SLC9A5: variants seen among roughly 807,000 people sequenced by gnomAD.
SLC9A5 encodes sodium/hydrogen exchanger 5.
Under a neutral mutation model 91.7 loss-of-function variants are expected in SLC9A5, and 52 were observed. The ratio of observed to expected loss-of-function variants is 0.57; its 90% CI spans 0.45 to 0.71. The LOEUF (loss-of-function observed/expected upper bound fraction) is 0.71, where lower values mean the gene tolerates loss of function less well. Among genes scored for constraint, SLC9A5 ranks in the 30% least tolerant of loss-of-function variants. The pLI is 0.00. For synonymous variants in SLC9A5, 419 were observed against 474.5 expected (o/e 0.88, Z 1.52); for missense variants, 871 against 1,158.9 (o/e 0.75, Z 3.61).
At position 67,256,978 on chromosome 16, in the gene SLC9A5, G is replaced by A. The variant is rs769311208; in HGVS notation, c.1200G>A (p.Val400=). 4.0e-5 allele frequency: 64 copies of A among 1,614,088 alleles called. No individual in the cohort carries two copies. Among genetic ancestry groups the A allele is most frequent in the Non-Finnish European group, 5.3e-5 (62 of 1,180,054 alleles). Residue 400 remains valine, a synonymous_variant, in exon 7 of 16, where the codon GTG becomes GTA. Coordinates refer to ENST00000299798, the MANE Select transcript of SLC9A5 (RefSeq NM_004594.3). The surrounding 1 kb of genome is among the most constrained non-coding windows in gnomAD (Gnocchi z 4.1). ...RLVPLDKIDQ[V]VMSYGGLRGA... ...TCCCTCTGGACAAGATTGACCAAGT[G>A]GTGATGTCCTATGGGGGCCTGCGGG... is the stretch of plus-strand genomic sequence containing the variant.
intron 2 of SLC9A5, among the ~76,000 whole-genome samples, chr16:67,253,610 C>T (rs902647289): frequency 6.6e-6 from 1 of 152,184 alleles, no homozygotes. Flanking sequence ...GCAACCTCCA[C>T]CTCCTGGGTT....
chr16:67,258,253 G>A lies in SLC9A5; in HGVS notation c.1497-65G>A. ...TGCTGACGGTGTCCTTGCCCCGTCT[G>A]AGGAAGGGCCACCTGGCCAGGCCTT... On this transcript the variant is annotated intron_variant, in intron 9 of 15. Coordinates refer to ENST00000299798, the MANE Select transcript of SLC9A5 (RefSeq NM_004594.3). The surrounding 1 kb of genome is among the most constrained non-coding windows in gnomAD (Gnocchi z 4.5). 1.3e-6 allele frequency: 2 copies of A among 1,587,796 alleles called. No individual in the cohort carries two copies. The highest frequency in any genetic ancestry group is 1.1e-5 in the South Asian group (1 of 90,250).
rs976150253 is a variant in SLC9A5 at position 67,249,105 on chromosome 16, C to A, written c.91C>A (p.Pro31Thr). Reference sequence around the variant, plus strand: ...GAAGCCAGAGTCCCCGGGCGAGCCTCCCCCAGGCTTAGAGCTCTTCCGCTG... The same window carrying A: ...GAAGCCAGAGTCCCCGGGCGAGCCTACCCCAGGCTTAGAGCTCTTCCGCTG... ...TQKPESPGEPPPGLELFRWQW... is the reference protein window; with the variant it reads ...TQKPESPGEPTPGLELFRWQW... Residue 31 changes from proline to threonine, a missense_variant, in exon 1 of 16, where the codon CCC (proline) becomes ACC (threonine). Coordinates refer to ENST00000299798, the MANE Select transcript of SLC9A5 (RefSeq NM_004594.3). 6.5e-7 allele frequency: 1 copy of A among 1,545,990 alleles called. No homozygotes were observed. The highest frequency in any genetic ancestry group is 8.7e-7 in the Non-Finnish European group (1 of 1,152,550).
Position 67,257,692 on chromosome 16 carries a change from G to T in SLC9A5, c.1496+91G>T. ...TGTGCCACACTTCTGAGAAGGGACA[G>T]AGCCAGGTTCAGGCTGGGTGACCTC... On this transcript the variant is annotated intron_variant, in intron 9 of 15. Transcript: ENST00000299798. This position sits in a 1 kb window ranked among gnomAD's most constrained non-coding sequence, Gnocchi z 5.1. The T allele has an allele frequency of 7.2e-7, 1 of 1,389,748 alleles. No individual in the cohort carries two copies. Among genetic ancestry groups the T allele is most frequent in the Non-Finnish European group, 1.0e-6 (1 of 983,810 alleles). 86.1% of individuals were successfully genotyped at this position (1,389,748 alleles called of 1,614,324 possible).
intron 10 of SLC9A5, 87 bp from the exon 11 acceptor site, chr16:67,259,485 GT>G: frequency 1.1e-6 from 1 of 917,348 alleles, no homozygotes; most frequent in Non-Finnish European, 1.8e-6. Context: ...TAAACTAAGT[GT>G]TCGTTATTAT....
chr16:67,271,022 C>T lies in SLC9A5; in HGVS notation c.2503C>T (p.Pro835Ser), dbSNP rs564480645. 1.9e-6 allele frequency: 3 copies of T among 1,613,582 alleles called. No individual in the cohort carries two copies. ...GGTCCCTCTCCACCTACCTTCTGAT[C>T]CACGCTCTAGCTTCGCCTTCCCACC... is the stretch of plus-strand genomic sequence containing the variant. Reference protein sequence around the residue: ...PQVPLHLPSDPRSSFAFPPSL... With the variant: ...PQVPLHLPSDSRSSFAFPPSL... The change falls in exon 16 of 16, where the codon CCA becomes TCA. Residue 835 changes from proline (P) to serine (S), a missense_variant. Coordinates refer to ENST00000299798, the MANE Select transcript of SLC9A5 (RefSeq NM_004594.3).
In SLC9A5 at chr16:67,266,103, C is replaced by G. The variant is rs1167166710; in HGVS notation, c.2096C>G (p.Thr699Ser). 6.2e-7 allele frequency: 1 copy of G among 1,611,778 alleles called. No individual in the cohort carries two copies. The highest frequency in any genetic ancestry group is 8.5e-7 in the Non-Finnish European group (1 of 1,179,032). ...GFQDTAAVIL[T>S]VESEEEEEES... ...CTCTGTCCAGCTGCTGTGATATTAA[C>G]CGTGGAGTCTGAGGAGGAGGAGGAG... Residue 699 changes from threonine (T) to serine (S), a missense_variant, in exon 15 of 16, where the codon ACC (threonine) becomes AGC (serine). Thr to Ser is a moderately conservative substitution (Grantham distance 58). Transcript: ENST00000299798.
Position 67,257,202 on chromosome 16 carries a change from G to C in SLC9A5, c.1335+89G>C. ...CTGTGGGACAGGGGCTTCTCTTCCC[G>C]CTGGGAGATGGAGGGCCCTGACTTC... On this transcript the variant is annotated intron_variant, in intron 7 of 15. Coordinates refer to ENST00000299798, the MANE Select transcript of SLC9A5 (RefSeq NM_004594.3). This position sits in a 1 kb window ranked among gnomAD's most constrained non-coding sequence, Gnocchi z 5.1. The C allele has an allele frequency of 1.4e-6, 2 of 1,424,764 alleles. No individual in the cohort carries two copies. The highest frequency in any genetic ancestry group is 1.9e-6 in the Non-Finnish European group (2 of 1,032,588). The allele number at this position is 1,424,764 out of a possible 1,614,324, so 88.3% of individuals were successfully genotyped here.
At chr16:67,259,738 T>C in intron 11 of SLC9A5, 77 bp downstream of exon 11, 1 of 1,592,570 alleles carries the variant, frequency 6.3e-7, no homozygotes, top group Non-Finnish European at 8.6e-7. Flanking sequence ...CTGGGGGAGA[T>C]TTGTCAGCAC....
intron 10 of SLC9A5, among the ~76,000 whole-genome samples, chr16:67,259,342 T>G (rs1597354221): frequency 1.7e-5 from 2 of 114,372 alleles, no homozygotes; most frequent in African/African-American, 3.6e-5. Context: ...CCAGCTTGGG[T>G]GATAGAGTGA....
At position 67,259,719 on chromosome 16, in the gene SLC9A5, G is replaced by A. The variant is rs1277571784; in HGVS notation, c.1715+58G>A. Reference sequence around the variant, plus strand: ...CTCCTCTCCATTGTGCCCTCTCTCTGAGTCCCTTCTGGGGGAGATTTGTCA... The same window carrying A: ...CTCCTCTCCATTGTGCCCTCTCTCTAAGTCCCTTCTGGGGGAGATTTGTCA... On this transcript the variant is annotated intron_variant, in intron 11 of 15. Coordinates refer to ENST00000299798, the MANE Select transcript of SLC9A5 (RefSeq NM_004594.3). 14 of 1,594,946 alleles carry A rather than the reference G, an allele frequency of 8.8e-6. No homozygotes were observed. The South Asian group carries it at 1.4e-4, about 16-fold the overall frequency.
intron 1 of SLC9A5, among the ~76,000 whole-genome samples, chr16:67,251,403 CTTTTTTTTTTTTTT>C (rs939453669): frequency 4.6e-5 from 3 of 64,800 alleles, no homozygotes; most frequent in Admixed American, 3.3e-4. Context: ...AGTAGATTGT[CTTTTTTTTTTTTTT>C]TTTTTTTTTT....
chr16:67,268,658 T>TTTTATATATA (rs1309246335), intron 15 of SLC9A5, among the ~76,000 whole-genome samples: 32 of 42,324 alleles, frequency 7.6e-4, no homozygotes, highest in East Asian at 1.5e-3. Flanking sequence ...ATTTCCCTGA[T>TTTTATATATA]TATATATATA....
chr16:67,271,449 C>G lies in SLC9A5; in HGVS notation c.*239C>G, dbSNP rs940620483. 24 of 566,090 alleles carry G rather than the reference C, an allele frequency of 4.2e-5. No homozygotes were observed. Among genetic ancestry groups the G allele is most frequent in the East Asian group, 2.9e-4 (10 of 34,370 alleles). The allele number at this position is 566,090 out of a possible 1,614,324, so 35.1% of individuals were successfully genotyped here. ...TTTCATTAAGGCCTCTACTCTGGCT[C>G]AGGACCCAGTCCAGGCCTTCTACGG... On this transcript the variant is annotated 3_prime_UTR_variant, in exon 16 of 16. Coordinates refer to ENST00000299798, the MANE Select transcript of SLC9A5 (RefSeq NM_004594.3).
rs770377841 is a variant in SLC9A5 at position 67,259,941 on chromosome 16, C to A, written c.1837C>A (p.Arg613Ser). The change falls in exon 12 of 16, where the codon CGT becomes AGT. Residue 613 changes from arginine to serine, a missense_variant. This residue lies in a region of SLC9A5 where 454 missense variants were observed against 718.3 expected (regional missense o/e 0.63). Coordinates refer to ENST00000299798, the MANE Select transcript of SLC9A5 (RefSeq NM_004594.3). ...LLCGGLYKPR[R>S]RYKASCSRHF... Reference sequence around the variant, plus strand: ...CTGCGGAGGCCTCTACAAGCCGCGCCGTAGGGTGAGAGCAGGCAGGCATCA... The same window carrying A: ...CTGCGGAGGCCTCTACAAGCCGCGCAGTAGGGTGAGAGCAGGCAGGCATCA... 6.2e-7 allele frequency: 1 copy of A among 1,613,698 alleles called. No homozygotes were observed. The highest frequency in any genetic ancestry group is 1.1e-5 in the South Asian group (1 of 91,028).
chr16:67,266,288 A>AT (rs2035702000), intron 15 of SLC9A5, 63 bp downstream of exon 15: 3 of 1,483,340 alleles, frequency 2.0e-6, no homozygotes, highest in Admixed American at 2.3e-5. Flanking sequence ...CTCTTCACTC[A>AT]TGGCCTCTAC....
In SLC9A5 at chr16:67,257,884, T is replaced by C. The variant is rs934515456; in HGVS notation, c.1496+283T>C. 6.6e-5 allele frequency among the ~76,000 whole-genome samples: 10 copies of C among 152,180 alleles called. No individual in the cohort carries two copies. The highest frequency in any genetic ancestry group is 2.4e-4 in the African/African-American group (10 of 41,434). ...CTAATTCCATGGACCCTGTCTTAGATCCTCAGGACCCACCATGCTCCCCCA... is the reference window on the plus strand; with the variant it reads ...CTAATTCCATGGACCCTGTCTTAGACCCTCAGGACCCACCATGCTCCCCCA... On this transcript the variant is annotated intron_variant, in intron 9 of 15. Transcript: ENST00000299798. The surrounding 1 kb of genome is among the most constrained non-coding windows in gnomAD (Gnocchi z 5.1).
Position 67,271,465 on chromosome 16 carries a change from C to G in SLC9A5, c.*255C>G. Reference sequence around the variant, plus strand: ...ACTCTGGCTCAGGACCCAGTCCAGGCCTTCTACGGGCTAGGCCCAGAGACT... The same window carrying G: ...ACTCTGGCTCAGGACCCAGTCCAGGGCTTCTACGGGCTAGGCCCAGAGACT... On this transcript the variant is annotated 3_prime_UTR_variant, in exon 16 of 16. Coordinates refer to ENST00000299798, the MANE Select transcript of SLC9A5 (RefSeq NM_004594.3). 3 of 531,152 alleles carry G rather than the reference C, an allele frequency of 5.6e-6. No individual in the cohort carries two copies. The highest frequency in any genetic ancestry group is 6.8e-6 in the Non-Finnish European group (2 of 295,022). 32.9% of individuals were successfully genotyped at this position (531,152 alleles called of 1,614,324 possible).
chr16:67,256,946 C>T lies in SLC9A5; in HGVS notation c.1168C>T (p.Arg390Trp), dbSNP rs770844150. Residue 390 changes from arginine to tryptophan, a missense_variant, in exon 7 of 16, where the codon CGG becomes TGG. This residue lies in a region of SLC9A5 where 454 missense variants were observed against 718.3 expected (regional missense o/e 0.63). Transcript: ENST00000299798. The surrounding 1 kb of genome is among the most constrained non-coding windows in gnomAD (Gnocchi z 4.1). ...VLQTWVLNQF[R>W]LVPLDKIDQV... The stretch of plus-strand genomic sequence containing the variant: ...GCAGACCTGGGTGCTGAATCAGTTC[C>T]GGCTAGTCCCTCTGGACAAGATTGA... The T allele has an allele frequency of 5.0e-6, 8 of 1,614,022 alleles. No homozygotes were observed. The highest frequency in any genetic ancestry group is 2.7e-5 in the African/African-American group (2 of 74,944).
Sources: allele counts gnomAD v4.1 joint callset (sites outside exome capture counted in the v4.1 genomes callset), GRCh38; gene constraint gnomAD v4.1.1; regional missense constraint gnomAD v4.1.1; non-coding constraint Gnocchi (gnomAD v3.1); transcripts MANE v1.5; gene names NCBI Gene and HGNC (gene_info 2026-07-23, HGNC 2026-07-21).